The following SEMA3D variants were observed in gnomAD, a reference collection of about 807,000 sequenced individuals.
SEMA3D encodes semaphorin-3D.
A neutral mutation model predicts 100.1 loss-of-function variants in SEMA3D; 84 were observed. That is an observed-to-expected ratio of 0.84 (90% confidence interval 0.70 to 1.01). The LOEUF (loss-of-function observed/expected upper bound fraction) is 1.01, where lower values mean the gene tolerates loss of function less well. Ranked by LOEUF, SEMA3D falls within the 50% of genes least tolerant of loss-of-function variation. SEMA3D has a pLI of 0.00. For synonymous variants in SEMA3D, 312 were observed against 320.7 expected, an observed-to-expected ratio of 0.97 and a Z score of 0.29; for missense variants, 875 against 934.1, an observed-to-expected ratio of 0.94 and a Z score of 0.82.
chr7:85,163,727 T>A (rs1233712087), intron 1 of SEMA3D, among the ~76,000 whole-genome samples: 1 of 152,146 alleles, frequency 6.6e-6, no homozygotes, highest in Non-Finnish European at 1.5e-5. Flanking sequence ...TTTAATCATT[T>A]AAAGTGGCTC....
At chr7:85,237,156 C>A in the SEMA3D span, among the ~76,000 whole-genome samples, 1 of 152,098 alleles carries the variant, frequency 6.6e-6, no homozygotes, top group African/African-American at 2.4e-5. Flanking sequence ...GTTTTAGGTT[C>A]ACAGCAGTGT....
Position 85,042,253 on chromosome 7 carries a change from G to A in SEMA3D, c.894C>T (p.Asn298=), listed in dbSNP as rs749556187. 6.2e-7 allele frequency: 1 copy of A among 1,612,854 alleles called. No homozygotes were observed. The highest frequency in any genetic ancestry group is 1.1e-5 in the South Asian group (1 of 91,046). Residue 298 remains asparagine, a synonymous_variant, in exon 10 of 19, where the codon AAC becomes AAT. Transcript: ENST00000284136. ...NDVGGQRSLI[N]KWTTFLKARL... The stretch of plus-strand genomic sequence containing the variant: ...TGGCCTTAAGAAAAGTCGTCCACTT[G>A]TTTATCAGGCTGCGTTGTCCTCCTA...
At chr7:85,161,448 T>G (rs1294375865) in intron 1 of SEMA3D, among the ~76,000 whole-genome samples, 1 of 152,122 alleles carries the variant, frequency 6.6e-6, no homozygotes, top group East Asian at 1.9e-4. Context: ...ATCATAAAAT[T>G]GTTCCTCCCT....
At chr7:85,050,120 C>CACACACAG (rs3220727) in intron 9 of SEMA3D, among the ~76,000 whole-genome samples, 1 of 139,824 alleles carries the variant, frequency 7.2e-6, no homozygotes, top group African/African-American at 2.7e-5. Flanking sequence ...CACACACACA[C>CACACACAG]AGAGACAGAG....
At chr7:85,076,075 TTC>T (rs565633232) in intron 5 of SEMA3D, among the ~76,000 whole-genome samples, 1 of 152,206 alleles carries the variant, frequency 6.6e-6, no homozygotes, top group Non-Finnish European at 1.5e-5. Flanking sequence ...CTTTGTAACT[TTC>T]CCTGAAAGCT....
At chr7:85,066,557 A>G (rs1168475463) in intron 7 of SEMA3D, among the ~76,000 whole-genome samples, 1 of 151,996 alleles carries the variant, frequency 6.6e-6, no homozygotes, top group East Asian at 1.9e-4. Flanking sequence ...GCAGGAGAAT[A>G]TGTTGTCTCT....
chr7:85,048,719 A>C (rs1031337157), intron 9 of SEMA3D, among the ~76,000 whole-genome samples: 1 of 151,854 alleles, frequency 6.6e-6, no homozygotes, highest in African/African-American at 2.4e-5. Context: ...AAAGGATCTG[A>C]CCACTAAAAA....
the SEMA3D span, among the ~76,000 whole-genome samples, chr7:85,246,962 A>G: frequency 1.3e-5 from 2 of 152,048 alleles, no homozygotes; most frequent in Non-Finnish European, 2.9e-5. Flanking sequence ...AAAAAAAATA[A>G]TGCTGAAAGT....
chr7:85,206,373 G>A, the SEMA3D span, among the ~76,000 whole-genome samples: 8 of 152,108 alleles, frequency 5.3e-5, no homozygotes, highest in Non-Finnish European at 1.2e-4. Flanking sequence ...CATATTAAAG[G>A]ATGAAGGGGG....
At chr7:85,052,677 T>C (rs1791200267) in intron 9 of SEMA3D, among the ~76,000 whole-genome samples, 1 of 151,966 alleles carries the variant, frequency 6.6e-6, no homozygotes, top group Non-Finnish European at 1.5e-5. Context: ...CATCACATTA[T>C]GATTATTTGT....
the SEMA3D span, among the ~76,000 whole-genome samples, chr7:85,244,655 T>C: frequency 6.6e-6 from 1 of 151,882 alleles, no homozygotes; most frequent in Non-Finnish European, 1.5e-5. Flanking sequence ...TTATGTAGTG[T>C]TAAAATCTAA....
rs1054083395 is a variant in SEMA3D, at chr7:85,034,689, C to T, written c.1191+2200G>A. Among the ~76,000 whole-genome samples the T allele has an allele frequency of 1.1e-4, 17 of 151,930 alleles. 1 individual carries two copies. The highest frequency in any genetic ancestry group is 3.1e-4 in the African/African-American group (13 of 41,384). On this transcript the variant is annotated intron_variant, in intron 12 of 18. Coordinates refer to ENST00000284136, the MANE Select transcript of SEMA3D (RefSeq NM_001384900.1). ...TAGACATTTCTCCAAAGAAGACATA[C>T]GAATGGCCAATGGGTACATGAAAAT...
intron 9 of SEMA3D, 54 bp from the exon 10 acceptor site, chr7:85,042,339 C>A: frequency 7.9e-7 from 1 of 1,263,446 alleles, no homozygotes; most frequent in South Asian, 1.2e-5. Context: ...TTCTACCACT[C>A]ACTAAAACTG....
chr7:85,020,305 G>A lies in SEMA3D; in HGVS notation c.1431C>T (p.Leu477=). ...TTTCCTTTGAAATGCTGACAACTTT[G>A]AGGACAGTTCCAATGTCTGAAAAAA... ...MFLGTDIGTV[L]KVVSISKEKW... is the part of the protein sequence containing the mutation. Residue 477 remains leucine (L), a synonymous_variant, in exon 14 of 19, where the codon CTC becomes CTT. Transcript: ENST00000284136. 1 of 1,609,396 alleles carries A rather than the reference G, an allele frequency of 6.2e-7. No individual in the cohort carries two copies. The highest frequency in any genetic ancestry group is 8.5e-7 in the Non-Finnish European group (1 of 1,176,966).
the SEMA3D span, among the ~76,000 whole-genome samples, chr7:85,227,016 TA>T: frequency 6.6e-6 from 1 of 152,174 alleles, no homozygotes; most frequent in Non-Finnish European, 1.5e-5. Context: ...GATTGAATTG[TA>T]AAAGCAGTAA....
chr7:85,200,198 A>C, the SEMA3D span, among the ~76,000 whole-genome samples: 1 of 152,176 alleles, frequency 6.6e-6, no homozygotes, highest in African/African-American at 2.4e-5. Context: ...AAAATGTGGG[A>C]GTGACTTTGG....
intron 9 of SEMA3D, among the ~76,000 whole-genome samples, chr7:85,043,892 C>T (rs901142859): frequency 6.6e-6 from 1 of 151,980 alleles, no homozygotes; most frequent in African/African-American, 2.4e-5. Flanking sequence ...TTAATAAATT[C>T]CCCAGTTTCT....
intron 17 of SEMA3D, among the ~76,000 whole-genome samples, chr7:85,011,256 T>C (rs1279858348): frequency 6.6e-6 from 1 of 151,206 alleles, no homozygotes; most frequent in African/African-American, 2.4e-5. Context: ...AAAGAGGGAG[T>C]TAGAGCTTAA....
intron 17 of SEMA3D, among the ~76,000 whole-genome samples, chr7:85,012,338 A>G (rs547660414): frequency 6.6e-6 from 1 of 151,918 alleles, no homozygotes; most frequent in Non-Finnish European, 1.5e-5. Flanking sequence ...AAGTGAATAT[A>G]TGATTTGATA....
Sources: allele counts gnomAD v4.1 joint callset (sites outside exome capture counted in the v4.1 genomes callset), GRCh38; gene constraint gnomAD v4.1.1; transcripts MANE v1.5; gene names NCBI Gene and HGNC (gene_info 2026-07-23, HGNC 2026-07-21).